FBP1: variants seen among roughly 807,000 people sequenced by gnomAD.
FBP1 encodes fructose-bisphosphatase 1, also known as fructose-1,6-bisphosphatase 1.
A neutral mutation model predicts 29.9 loss-of-function variants in FBP1; 22 were observed. The ratio of observed to expected loss-of-function variants is 0.74; its 90% confidence interval spans 0.53 to 1.05. The LOEUF is 1.05. Among genes scored for constraint, FBP1 ranks in the 50% least tolerant of loss-of-function variants. The probability of loss-of-function intolerance (pLI) is 0.00; values close to 1 mark genes in which losing one functional copy is unlikely to be tolerated. For synonymous variants in FBP1, 175 were observed against 178.6 expected (o/e 0.98, Z 0.16); for missense variants, 345 against 448.2 (o/e 0.77, Z 2.08).
chr9:94,603,346 A>G lies in FBP1; in HGVS notation c.*35T>C. 6.3e-7 allele frequency: 1 copy of G among 1,576,248 alleles called. No individual in the cohort carries two copies. The highest frequency in any genetic ancestry group is 8.7e-7 in the Non-Finnish European group (1 of 1,149,368). ...GCTGTGTGAGACAAAAGGTCCAGGT[A>G]GAGGCAATTCTCCGGATGCAGGCAG... On this transcript the variant is annotated 3_prime_UTR_variant, in exon 7 of 7. Coordinates refer to ENST00000375326, the MANE Select transcript of FBP1 (RefSeq NM_000507.4).
At chr9:94,624,316 C>T (rs28745268) in intron 1 of FBP1, among the ~76,000 whole-genome samples, 1,422 of 121,400 alleles carry the variant, frequency 0.012, 30 homozygotes, top group African/African-American at 0.043. Context: ...CCAGCCTGGG[C>T]GACAAAGCGA....
intron 1 of FBP1, among the ~76,000 whole-genome samples, chr9:94,632,497 G>A (rs1272676226): frequency 6.6e-6 from 1 of 151,960 alleles, no homozygotes; most frequent in Non-Finnish European, 1.5e-5. Flanking sequence ...GTGAAACCCC[G>A]TCTCTACTAA....
At chr9:94,604,249 A>T (rs906747510) in intron 6 of FBP1, among the ~76,000 whole-genome samples, 4 of 152,260 alleles carry the variant, frequency 2.6e-5, no homozygotes, top group African/African-American at 9.6e-5. Context: ...CAAAAAAAAA[A>T]AGAAGGAGCC....
At chr9:94,634,034 C>G (rs1828152567) in intron 1 of FBP1, among the ~76,000 whole-genome samples, 1 of 150,712 alleles carries the variant, frequency 6.6e-6, no homozygotes, top group Non-Finnish European at 1.5e-5. Context: ...TGGCTCACGC[C>G]TGTAATCCCA....
At chr9:94,622,033 C>T (rs1038681676) in intron 1 of FBP1, among the ~76,000 whole-genome samples, 3 of 152,170 alleles carry the variant, frequency 2.0e-5, no homozygotes, top group African/African-American at 7.2e-5. Context: ...CTGCCTATGA[C>T]TCCCAGGCCA....
At chr9:94,626,644 G>A (rs911567758) in intron 1 of FBP1, among the ~76,000 whole-genome samples, 1 of 152,272 alleles carries the variant, frequency 6.6e-6, no homozygotes. Flanking sequence ...AGCAGGCAAG[G>A]CTTCCGTGAT....
intron 2 of FBP1, 60 bp downstream of exon 2, chr9:94,620,269 A>G (rs746724166): frequency 1.7e-5 from 27 of 1,572,702 alleles, no homozygotes; most frequent in Non-Finnish European, 1.8e-5. Flanking sequence ...GGAGTCAATT[A>G]TGAAGCTGGG....
chr9:94,632,558 C>A (rs1219014675), intron 1 of FBP1, among the ~76,000 whole-genome samples: 4 of 151,984 alleles, frequency 2.6e-5, no homozygotes, highest in Non-Finnish European at 4.4e-5. Flanking sequence ...ATCCCAGCTA[C>A]CTGGAAGGCT....
intron 1 of FBP1, among the ~76,000 whole-genome samples, chr9:94,637,967 T>A (rs1028253511): frequency 6.6e-6 from 1 of 150,858 alleles, no homozygotes; most frequent in Non-Finnish European, 1.5e-5. Context: ...ATGCCTGTAA[T>A]CCCAGCTACT....
In FBP1 at chr9:94,603,165, T is replaced by C; in HGVS notation, c.*216A>G. 1.7e-6 allele frequency: 1 copy of C among 587,414 alleles called. No individual in the cohort carries two copies. Among genetic ancestry groups the C allele is most frequent in the South Asian group, 2.0e-5 (1 of 49,880 alleles). The allele number at this position is 587,414 out of a possible 1,614,324, so 36.4% of individuals were successfully genotyped here. On this transcript the variant is annotated 3_prime_UTR_variant, in exon 7 of 7. Transcript: ENST00000375326. ...TAAGGAGGAATAAGTTTATTTCTCC[T>C]CCATCCACTCAAAATATATCTTAAC... is the stretch of plus-strand genomic sequence containing the variant.
At chr9:94,611,599 T>A (rs2993912) in intron 3 of FBP1, among the ~76,000 whole-genome samples, 39,243 of 151,272 alleles carry the variant, frequency 0.26, 6,168 homozygotes, top group East Asian at 0.54. Flanking sequence ...CGAAAAAAAA[T>A]TTTTTTTTAA....
intron 3 of FBP1, among the ~76,000 whole-genome samples, chr9:94,614,030 G>C (rs536270860): frequency 6.7e-6 from 1 of 149,184 alleles, no homozygotes; most frequent in Non-Finnish European, 1.5e-5. Context: ...GCAGTGAGCC[G>C]AGATCGTGCT....
intron 3 of FBP1, among the ~76,000 whole-genome samples, 198 bp downstream of exon 3, chr9:94,617,570 C>T (rs1410406525): frequency 6.6e-6 from 1 of 151,972 alleles, no homozygotes; most frequent in African/African-American, 2.4e-5. Flanking sequence ...CATATTTTAC[C>T]CTATATTCTC....
At chr9:94,628,542 G>T (rs1168194765) in intron 1 of FBP1, among the ~76,000 whole-genome samples, 2 of 152,128 alleles carry the variant, frequency 1.3e-5, no homozygotes, top group Non-Finnish European at 2.9e-5. Context: ...AGAGAACAGG[G>T]CACCTGCTGA....
intron 4 of FBP1, among the ~76,000 whole-genome samples, chr9:94,607,980 C>A (rs1827725541): frequency 6.6e-6 from 1 of 152,124 alleles, no homozygotes; most frequent in South Asian, 2.1e-4. Context: ...CACAAGTATA[C>A]CGGAATATTC....
rs746434467 is a variant in FBP1 at position 94,606,781 on chromosome 9, G to C, written c.705+34C>G. ...AACGGCCTCTGGTGCCAGATGCCCA[G>C]AACCTGCACCACCCTCCCCGGGCCC... On this transcript the variant is annotated intron_variant, in intron 5 of 6. Transcript: ENST00000375326. 5.6e-6 allele frequency: 9 copies of C among 1,605,788 alleles called. 1 individual carries two copies. In the South Asian group the frequency reaches 1.0e-4, roughly 18 times the overall value.
intron 3 of FBP1, among the ~76,000 whole-genome samples, chr9:94,615,413 G>A (rs561536762): frequency 6.6e-6 from 1 of 152,128 alleles, no homozygotes; most frequent in Non-Finnish European, 1.5e-5. Flanking sequence ...TGGAGAATGG[G>A]CTTAGTAAAC....
rs200434012 is a variant in FBP1 at position 94,603,595 on chromosome 9, G to A, written c.826-23C>T. 7.6e-5 allele frequency: 122 copies of A among 1,610,146 alleles called. 1 individual carries two copies. Among genetic ancestry groups the A allele is most frequent in the Middle Eastern group, 5.0e-4 (3 of 6,038 alleles). On this transcript the variant is annotated intron_variant, in intron 6 of 6. Coordinates refer to ENST00000375326, the MANE Select transcript of FBP1 (RefSeq NM_000507.4). ...CAGCTGGAAAACAAGACCGGGTAGC[G>A]GCCTCCTTGTATCAGAAGGTATTGC...
At chr9:94,629,004 CAG>C (rs999263881) in intron 1 of FBP1, among the ~76,000 whole-genome samples, 64 of 152,264 alleles carry the variant, frequency 4.2e-4, no homozygotes, top group African/African-American at 1.5e-3. Context: ...TGTTTTGAGA[CAG>C]AGTCTCGCTC....
Sources: allele counts gnomAD v4.1 joint callset (sites outside exome capture counted in the v4.1 genomes callset), GRCh38; gene constraint gnomAD v4.1.1; transcripts MANE v1.5; gene names NCBI Gene and HGNC (gene_info 2026-07-23, HGNC 2026-07-21).